AP4S1: variants seen among roughly 807,000 people sequenced by gnomAD.
AP4S1 encodes the protein adaptor related protein complex 4 subunit sigma 1, also known as AP-4 complex subunit sigma-1.
In AP4S1, 23 loss-of-function variants were observed where a neutral mutation model predicts 19.8. That is an observed-to-expected ratio of 1.16 (90% CI 0.84 to 1.65). The LOEUF (loss-of-function observed/expected upper bound fraction) is 1.65, where lower values mean the gene tolerates loss of function less well. Among genes scored for constraint, AP4S1 ranks in the 40% most tolerant of loss-of-function variants. The pLI is 0.00. For missense variants in AP4S1, 166 were observed against 172.8 expected, an observed-to-expected ratio of 0.96 and a Z score of 0.22; for synonymous variants, 46 against 54.1, an observed-to-expected ratio of 0.85 and a Z score of 0.66.
intron 1 of AP4S1, among the ~76,000 whole-genome samples, chr14:31,038,764 T>G (rs1053108014): frequency 6.6e-6 from 1 of 152,164 alleles, no homozygotes; most frequent in East Asian, 1.9e-4. Flanking sequence ...TAAATAGATA[T>G]AGTTAAAGCA....
intron 5 of AP4S1, chr14:31,083,550 G>A (rs988418126): frequency 7.3e-6 from 3 of 409,774 alleles, no homozygotes; most frequent in African/African-American, 2.7e-5. Context: ...TGTCACCCAG[G>A]CTGGAGTGCA....
intron 1 of AP4S1, among the ~76,000 whole-genome samples, chr14:31,052,571 A>C (rs887991600): frequency 6.6e-6 from 1 of 151,430 alleles, no homozygotes; most frequent in African/African-American, 2.4e-5. Flanking sequence ...CTAAAAATAC[A>C]AAAAAAATTA....
chr14:31,055,580 C>T (rs1462157140), intron 1 of AP4S1, among the ~76,000 whole-genome samples: 1 of 152,154 alleles, frequency 6.6e-6, no homozygotes, highest in Non-Finnish European at 1.5e-5. Context: ...CAGTCAGGCT[C>T]CAGTTCATGC....
chr14:31,071,864 C>CA (rs992240590), intron 3 of AP4S1, among the ~76,000 whole-genome samples: 5 of 151,944 alleles, frequency 3.3e-5, no homozygotes, highest in Admixed American at 3.3e-4. Context: ...TACAGGCGCA[C>CA]ACCAAGATAC....
At chr14:31,046,925 G>T (rs147296642) in intron 1 of AP4S1, among the ~76,000 whole-genome samples, 6 of 151,746 alleles carry the variant, frequency 4.0e-5, no homozygotes, top group Non-Finnish European at 8.8e-5. Flanking sequence ...GGAAACTGCC[G>T]ATTTGTTTTC....
rs117567117 is a variant in AP4S1, at chr14:31,080,949, G to A, written c.306+365G>A. ...AGGCATTACGGGCGCCCACCACCAC[G>A]CCCAGCTAATGTTTGTATTTTTAGT... On this transcript the variant is annotated intron_variant, in intron 5 of 5. Coordinates refer to ENST00000542754, the MANE Select transcript of AP4S1 (RefSeq NM_001128126.3). Among the ~76,000 whole-genome samples the A allele has an allele frequency of 9.9e-4, 151 of 152,052 alleles. No individual in the cohort carries two copies. In the East Asian group the frequency reaches 0.017, roughly 17 times the overall value.
At chr14:31,089,243 T>C (rs1888011349) in intron 5 of AP4S1, among the ~76,000 whole-genome samples, 1 of 152,024 alleles carries the variant, frequency 6.6e-6, no homozygotes, top group Non-Finnish European at 1.5e-5. Flanking sequence ...AGAATCTTCA[T>C]GATGATAGCC....
chr14:31,051,200 G>A (rs2139498135), intron 1 of AP4S1, among the ~76,000 whole-genome samples: 1 of 151,266 alleles, frequency 6.6e-6, no homozygotes, highest in Non-Finnish European at 1.5e-5. Flanking sequence ...AGGCTGCAGT[G>A]AGCCATGTTT....
chr14:31,047,306 T>C (rs1885464639), intron 1 of AP4S1, among the ~76,000 whole-genome samples: 1 of 152,066 alleles, frequency 6.6e-6, no homozygotes, highest in Non-Finnish European at 1.5e-5. Context: ...TTCTTAATAG[T>C]GTCTTACGTG....
chr14:31,070,098 G>T (rs934999324), intron 3 of AP4S1, among the ~76,000 whole-genome samples, 169 bp downstream of exon 3: 1 of 151,956 alleles, frequency 6.6e-6, no homozygotes. Flanking sequence ...AGGTTGAAGC[G>T]ATTCCCCTGC....
chr14:31,025,600 C>G (rs1883796526), upstream of AP4S1: 1 of 468,226 alleles, frequency 2.1e-6, no homozygotes, highest in African/African-American at 2.0e-5. Context: ...GGTCCCAAGC[C>G]CCGGAGGCCC....
chr14:31,088,758 A>G (rs1278253644), intron 5 of AP4S1, among the ~76,000 whole-genome samples: 2 of 149,434 alleles, frequency 1.3e-5, no homozygotes, highest in Non-Finnish European at 3.0e-5. Context: ...CAGTGAGCCA[A>G]GATTGCACCA....
intron 2 of AP4S1, among the ~76,000 whole-genome samples, chr14:31,069,571 C>T (rs1047640743): frequency 5.3e-5 from 8 of 152,170 alleles, no homozygotes; most frequent in Non-Finnish European, 1.2e-4. Flanking sequence ...CTGACTTCCA[C>T]GCAGAGCAAA....
chr14:31,031,691 G>C (rs1323727247), intron 1 of AP4S1, among the ~76,000 whole-genome samples: 1 of 152,136 alleles, frequency 6.6e-6, no homozygotes, highest in African/African-American at 2.4e-5. Flanking sequence ...TGTAGATAAT[G>C]AGCTCACCCA....
chr14:31,069,736 T>C (rs1000225493), intron 2 of AP4S1, 107 bp from the exon 3 acceptor site: 1 of 876,186 alleles, frequency 1.1e-6, no homozygotes, highest in African/African-American at 1.6e-5. Flanking sequence ...ATATTCTATA[T>C]TTCTAGGAAT....
intron 5 of AP4S1, among the ~76,000 whole-genome samples, chr14:31,081,526 G>A (rs543613823): frequency 1.2e-4 from 18 of 152,286 alleles, no homozygotes; most frequent in African/African-American, 4.1e-4. Context: ...GGCTTTGTGC[G>A]AGTGTTTGGG....
At chr14:31,053,995 G>A (rs913483862) in intron 1 of AP4S1, among the ~76,000 whole-genome samples, 3 of 152,160 alleles carry the variant, frequency 2.0e-5, no homozygotes, top group African/African-American at 7.2e-5. Flanking sequence ...AACAGGATAT[G>A]AGGGTATTTT....
chr14:31,029,330 G>T (rs1290815262), intron 1 of AP4S1, among the ~76,000 whole-genome samples: 1 of 152,132 alleles, frequency 6.6e-6, no homozygotes, highest in Non-Finnish European at 1.5e-5. Context: ...TCTAAATTTA[G>T]TATAAAGCCC....
At chr14:31,038,171 A>G (rs1475258562) in intron 1 of AP4S1, among the ~76,000 whole-genome samples, 2 of 152,200 alleles carry the variant, frequency 1.3e-5, no homozygotes, top group Non-Finnish European at 1.5e-5. Context: ...TTTGCCTGGT[A>G]TGTTTTATTT....
Sources: allele counts gnomAD v4.1 joint callset (sites outside exome capture counted in the v4.1 genomes callset), GRCh38; gene constraint gnomAD v4.1.1; transcripts MANE v1.5; gene names NCBI Gene and HGNC (gene_info 2026-07-23, HGNC 2026-07-21).